KIF13B: variants seen among roughly 807,000 people sequenced by gnomAD.
KIF13B encodes kinesin family member 13B, also known as kinesin-like protein KIF13B.
KIF13B carries 127 observed loss-of-function variants against 222.0 expected under a neutral mutation model. The ratio of observed to expected loss-of-function variants is 0.57; its 90% confidence interval spans 0.50 to 0.66. The LOEUF is 0.66. KIF13B is among the 30% of genes least tolerant of loss of function. The pLI, the probability that KIF13B is intolerant of heterozygous loss-of-function variation, is 0.00. For missense variants in KIF13B, 2,173 were observed against 2,379.0 expected, an observed-to-expected ratio of 0.91 and a Z score of 1.80; for synonymous variants, 976 against 919.0, an observed-to-expected ratio of 1.06 and a Z score of -1.12.
intron 37 of KIF13B, 64 bp from the exon 38 acceptor site, chr8:29,075,407 C>T (rs368624051): frequency 3.5e-5 from 50 of 1,442,232 alleles, no homozygotes; most frequent in Admixed American, 1.1e-4. Flanking sequence ...GAAAGGTTTC[C>T]GCTGCACAGG....
intron 2 of KIF13B, among the ~76,000 whole-genome samples, chr8:29,205,874 G>A (rs993693227): frequency 1.5e-4 from 23 of 151,444 alleles, no homozygotes; most frequent in Non-Finnish European, 2.8e-4. Flanking sequence ...CTTGATCCCA[G>A]GAGTTCAAGA....
rs1807114106 is a variant in KIF13B at position 29,068,720 on chromosome 8, C to T, written c.*1784G>A. On this transcript the variant is annotated 3_prime_UTR_variant, in exon 40 of 40. Transcript: ENST00000524189. This position sits in a 1 kb window ranked among gnomAD's most constrained non-coding sequence, Gnocchi z 4.4. ...GCAGCAGCAGTGCTGGCCTCTCACC[C>T]AGGCCATAGTGACACCAGCGGACCC... 6.6e-6 allele frequency: 1 copy of T among 152,376 alleles called. No individual in the cohort carries two copies. The highest frequency in any genetic ancestry group is 6.5e-5 in the Admixed American group (1 of 15,288). 9.4% of individuals were successfully genotyped at this position (152,376 alleles called of 1,614,324 possible). A position where few individuals can be genotyped will look rare whatever the true frequency, so the allele number is the denominator to read the frequency against.
At chr8:29,216,617 T>TA (rs55967717) in intron 2 of KIF13B, among the ~76,000 whole-genome samples, 26,282 of 149,868 alleles carry the variant, frequency 0.18, 2,431 homozygotes, top group African/African-American at 0.22. Context: ...TTTTTTTAAT[T>TA]AAAAAAAAAA....
chr8:29,075,197 T>A, intron 38 of KIF13B, 84 bp downstream of exon 38: 1 of 1,035,402 alleles, frequency 9.7e-7, no homozygotes, highest in Non-Finnish European at 1.5e-6. Context: ...CATCAAAAAC[T>A]GTGGGTGTGG....
intron 34 of KIF13B, among the ~76,000 whole-genome samples, chr8:29,108,498 G>C (rs997890993): frequency 2.6e-5 from 4 of 152,212 alleles, no homozygotes; most frequent in Admixed American, 6.5e-5. Flanking sequence ...AAAGATACCA[G>C]GTTACTTGTT....
At position 29,068,504 on chromosome 8, in the gene KIF13B, C is replaced by T. The variant is rs1013718865; in HGVS notation, c.*2000G>A. On this transcript the variant is annotated 3_prime_UTR_variant, in exon 40 of 40. Transcript: ENST00000524189. The surrounding 1 kb of genome is among the most constrained non-coding windows in gnomAD (Gnocchi z 4.4). ...TCAGGAACTCTGGCTCGTTCTACTC[C>T]ACTGTAAGTCAAACCGATGGTAAAA... is the stretch of plus-strand genomic sequence containing the variant. 4 of 152,268 alleles carry T rather than the reference C, an allele frequency of 2.6e-5. No homozygotes were observed. 9.4% of individuals were successfully genotyped at this position (152,268 alleles called of 1,614,324 possible).
intron 2 of KIF13B, among the ~76,000 whole-genome samples, chr8:29,197,866 A>C (rs1034408276): frequency 1.3e-5 from 2 of 152,214 alleles, no homozygotes; most frequent in African/African-American, 4.8e-5. Flanking sequence ...GAAATCAAAC[A>C]ATTTAAGAAT....
chr8:29,252,768 T>C (rs1002244210), intron 1 of KIF13B, among the ~76,000 whole-genome samples: 3 of 152,216 alleles, frequency 2.0e-5, no homozygotes, highest in South Asian at 2.1e-4. Flanking sequence ...TTTAATGGCA[T>C]AGCAGGAAAC....
At chr8:29,113,410 T>C in intron 32 of KIF13B, 53 bp downstream of exon 32, 1 of 1,091,238 alleles carries the variant, frequency 9.2e-7, no homozygotes, top group South Asian at 1.4e-5. Flanking sequence ...TTTCAGGGAG[T>C]TGGCTCTTTT....
intron 30 of KIF13B, among the ~76,000 whole-genome samples, chr8:29,117,818 G>A (rs1809672875): frequency 6.6e-6 from 1 of 152,162 alleles, no homozygotes; most frequent in Admixed American, 6.5e-5. Flanking sequence ...ATTCAACCAT[G>A]AAAATCAAGA....
At chr8:29,226,447 A>C (rs556873553) in intron 2 of KIF13B, among the ~76,000 whole-genome samples, 42 of 152,294 alleles carry the variant, frequency 2.8e-4, no homozygotes, top group Non-Finnish European at 4.6e-4. Context: ...TTGTATTTGT[A>C]GCATGGGAGC....
chr8:29,251,357 A>G (rs781052762), intron 1 of KIF13B, among the ~76,000 whole-genome samples: 7 of 152,246 alleles, frequency 4.6e-5, no homozygotes, highest in Non-Finnish European at 8.8e-5. Flanking sequence ...TGTTCACAGC[A>G]GCAGCTAAAA....
At position 29,186,377 on chromosome 8, in the gene KIF13B, CCTCTTT is replaced by C; in HGVS notation, c.406_411del (p.Lys136_Glu137del). On this transcript the variant is annotated inframe_deletion, in exon 6 of 40. Coordinates refer to ENST00000524189, the MANE Select transcript of KIF13B (RefSeq NM_015254.4). ...ACTTTAAAACTCTGTTCTTCATTTT[CCTCTTT>C]CTGAGTTCGTTCAAAGAGTCCACTG... 2 of 1,613,822 alleles carry C rather than the reference CCTCTTT, an allele frequency of 1.2e-6. No homozygotes were observed. The highest frequency in any genetic ancestry group is 1.7e-6 in the Non-Finnish European group (2 of 1,179,762).
intron 2 of KIF13B, among the ~76,000 whole-genome samples, chr8:29,233,087 T>G (rs1317583730): frequency 1.3e-5 from 2 of 152,010 alleles, no homozygotes; most frequent in Non-Finnish European, 2.9e-5. Context: ...ACCCGAGAGG[T>G]GGAGGTTGCA....
chr8:29,214,996 G>T lies in KIF13B; in HGVS notation c.150-18797C>A, dbSNP rs572053837. Among the ~76,000 whole-genome samples the T allele has an allele frequency of 9.2e-5, 14 of 152,240 alleles. No individual in the cohort carries two copies. In the East Asian group the frequency reaches 2.1e-3, roughly 23 times the overall value. ...ATTTACCTCTAAATAATACTCTGCT[G>T]GAGAGACAAAATCAAAACTGTTCAG... On this transcript the variant is annotated intron_variant, in intron 2 of 39. Transcript: ENST00000524189.
At chr8:29,124,686 C>T (rs1165838975) in intron 26 of KIF13B, among the ~76,000 whole-genome samples, 1 of 152,056 alleles carries the variant, frequency 6.6e-6, no homozygotes, top group African/African-American at 2.4e-5. Context: ...GAGTTTGAGA[C>T]CAGCCTCCCC....
intron 2 of KIF13B, among the ~76,000 whole-genome samples, chr8:29,222,515 CTTTTTTTTTTTTTTTTTTTTTTTTTTTT>C (rs58488862): frequency 1.7e-5 from 1 of 60,568 alleles, no homozygotes; most frequent in East Asian, 1.1e-3. Flanking sequence ...CCACACCTGA[CTTTTTTTTTTTTTTTTTTTTTTTTTTTT>C]TTTTTTTTTT....
At chr8:29,190,686 C>T (rs891317256) in intron 4 of KIF13B, 6 of 330,540 alleles carry the variant, frequency 1.8e-5, no homozygotes, top group African/African-American at 6.5e-5. Context: ...CCTGGACCTG[C>T]GCTGGTGGGA....
chr8:29,092,270 TTTAAG>T, intron 37 of KIF13B, among the ~76,000 whole-genome samples: 1 of 152,252 alleles, frequency 6.6e-6, no homozygotes, highest in East Asian at 1.9e-4. Context: ...GGTAAAGAGT[TTTAAG>T]AGAAAAGGAT....
Sources: gnomAD v4.1 joint callset for allele counts (sites outside exome capture counted in the v4.1 genomes callset) on GRCh38, gnomAD v4.1.1 for gene constraint, Gnocchi (gnomAD v3.1) non-coding constraint, MANE v1.5 for transcripts, NCBI Gene and HGNC (gene_info 2026-07-23, HGNC 2026-07-21) for gene names.